The following CSNK1G1 variants were observed in gnomAD, a reference collection of about 807,000 sequenced individuals.
CSNK1G1 encodes casein kinase 1 gamma 1.
In CSNK1G1, 22 loss-of-function variants were observed where a neutral mutation model predicts 59.6. The ratio of observed to expected loss-of-function variants is 0.37; its 90% CI spans 0.26 to 0.53. CSNK1G1 has a LOEUF of 0.53. CSNK1G1 is among the 20% of genes least tolerant of loss of function. The pLI is 0.89. For synonymous variants in CSNK1G1, 179 were observed against 177.1 expected, an observed-to-expected ratio of 1.01 and a Z score of -0.08; for missense variants, 384 against 519.5, an observed-to-expected ratio of 0.74 and a Z score of 2.54.
At chr15:64,238,519 ATATATATAT>A (rs1313300785) in intron 4 of CSNK1G1, among the ~76,000 whole-genome samples, 5 of 71,486 alleles carry the variant, frequency 7.0e-5, no homozygotes, top group African/African-American at 3.9e-4. Flanking sequence ...AAAAAAAAAA[ATATATATAT>A]ATATATATAT....
chr15:64,189,148 C>CA (rs905371688), intron 10 of CSNK1G1, among the ~76,000 whole-genome samples: 20 of 151,594 alleles, frequency 1.3e-4, no homozygotes, highest in African/African-American at 3.1e-4. Context: ...ATAATAATAA[C>CA]AAAAAAAATA....
At chr15:64,267,846 G>A (rs1206665707) in intron 2 of CSNK1G1, among the ~76,000 whole-genome samples, 1 of 152,170 alleles carries the variant, frequency 6.6e-6, no homozygotes, top group Non-Finnish European at 1.5e-5. Flanking sequence ...CAGACATGGT[G>A]GCTCATGCCT....
chr15:64,264,363 T>C (rs1892867854), intron 2 of CSNK1G1, among the ~76,000 whole-genome samples: 1 of 151,790 alleles, frequency 6.6e-6, no homozygotes, highest in South Asian at 2.1e-4. Flanking sequence ...TAACAAGTAA[T>C]AAGATGGAAG....
chr15:64,240,111 G>A (rs1479666108), intron 4 of CSNK1G1, among the ~76,000 whole-genome samples: 2 of 152,224 alleles, frequency 1.3e-5, no homozygotes, highest in African/African-American at 2.4e-5. Context: ...GTGTATGCCT[G>A]TAATCCCAGC....
At chr15:64,324,817 T>C (rs1222433844) in intron 1 of CSNK1G1, among the ~76,000 whole-genome samples, 5 of 152,210 alleles carry the variant, frequency 3.3e-5, no homozygotes, top group Non-Finnish European at 7.3e-5. Flanking sequence ...TCCATGAAAT[T>C]TCTTTAATGG....
At chr15:64,287,260 A>C (rs1894477997) in intron 2 of CSNK1G1, among the ~76,000 whole-genome samples, 1 of 152,202 alleles carries the variant, frequency 6.6e-6, no homozygotes, top group Non-Finnish European at 1.5e-5. Flanking sequence ...TGAACTAGAC[A>C]ATGCTAAAGT....
At chr15:64,207,384 T>C in intron 7 of CSNK1G1, 125 bp downstream of exon 7, 2 of 644,362 alleles carry the variant, frequency 3.1e-6, no homozygotes, top group Non-Finnish European at 5.4e-6. Context: ...GTGCTGGGAT[T>C]ACAGGCATGA....
intron 2 of CSNK1G1, among the ~76,000 whole-genome samples, chr15:64,282,308 C>T (rs1894186578): frequency 1.3e-5 from 2 of 151,850 alleles, no homozygotes; most frequent in South Asian, 4.2e-4. Context: ...AGTTGGTTGC[C>T]CAGGCTGGAG....
chr15:64,284,466 T>C (rs932462559), intron 2 of CSNK1G1, among the ~76,000 whole-genome samples: 3 of 152,186 alleles, frequency 2.0e-5, no homozygotes, highest in Non-Finnish European at 4.4e-5. Context: ...TGTCTTACCA[T>C]GTAGTTAGAT....
At chr15:64,346,819 G>A (rs1490837430) in intron 1 of CSNK1G1, among the ~76,000 whole-genome samples, 1 of 151,932 alleles carries the variant, frequency 6.6e-6, no homozygotes, top group African/African-American at 2.4e-5. Context: ...AGGTTAACTT[G>A]GACCTTATTA....
At position 64,248,964 on chromosome 15, in the gene CSNK1G1, C is replaced by CA. The variant is rs1021294721; in HGVS notation, c.292+2547dup. On this transcript the variant is annotated intron_variant, in intron 4 of 11. Coordinates refer to ENST00000303052, the MANE Select transcript of CSNK1G1 (RefSeq NM_022048.5). ...TGAAACCCCGTCTCTATTAAAATTA[C>CA]AAAAAAAAACTAGCTGGGCATGGTG... Among the ~76,000 whole-genome samples the CA allele has an allele frequency of 1.1e-4, 16 of 151,132 alleles. No individual in the cohort carries two copies. The East Asian group carries it at 1.4e-3, about 13-fold the overall frequency.
intron 1 of CSNK1G1, chr15:64,342,454 C>A (rs1897728776): frequency 6.6e-6 from 1 of 152,246 alleles, no homozygotes; most frequent in African/African-American, 2.4e-5. Flanking sequence ...ATTACATCCA[C>A]TAGATTATGT....
At position 64,188,302 on chromosome 15, in the gene CSNK1G1, G is replaced by C; in HGVS notation, c.1108-7848C>G. The C allele has an allele frequency of 2.7e-6, 3 of 1,103,464 alleles. No homozygotes were observed. Among genetic ancestry groups the C allele is most frequent in the Non-Finnish European group, 3.9e-6 (3 of 776,698 alleles). The allele number at this position is 1,103,464 out of a possible 1,614,324, so 68.4% of individuals were successfully genotyped here. A position where few individuals can be genotyped will look rare whatever the true frequency, so the allele number is the denominator to read the frequency against. ...AAGCTTCCTTTCTAAGGCTGCCGAA[G>C]GTTCAGAAGCAAGCCAACATTCCAC... On this transcript the variant is annotated intron_variant, in intron 10 of 11. Transcript: ENST00000303052. This position sits in a 1 kb window ranked among gnomAD's most constrained non-coding sequence, Gnocchi z 4.2.
chr15:64,314,561 G>T (rs1295566992), intron 1 of CSNK1G1, among the ~76,000 whole-genome samples: 1 of 49,122 alleles, frequency 2.0e-5, no homozygotes. Flanking sequence ...CTGTACCACA[G>T]AATTAAAAAA....
intron 1 of CSNK1G1, among the ~76,000 whole-genome samples, chr15:64,333,433 CAAAAAA>C (rs59451869): frequency 2.6e-4 from 6 of 23,086 alleles, no homozygotes; most frequent in African/African-American, 1.4e-3. Context: ...GACACCATCT[CAAAAAA>C]AAAAAAAAAA....
At chr15:64,183,510 T>A (rs2081848112) in intron 10 of CSNK1G1, among the ~76,000 whole-genome samples, 1 of 152,208 alleles carries the variant, frequency 6.6e-6, no homozygotes, top group Admixed American at 6.5e-5. Flanking sequence ...AAACACTGTG[T>A]AAGTGATGGA....
chr15:64,211,696 A>G (rs962774473), intron 6 of CSNK1G1, among the ~76,000 whole-genome samples: 1 of 152,246 alleles, frequency 6.6e-6, no homozygotes, highest in Admixed American at 6.5e-5. Context: ...TATCATACCC[A>G]TTTTATACAT....
At chr15:64,268,958 T>G (rs758213748) in intron 2 of CSNK1G1, among the ~76,000 whole-genome samples, 5 of 152,110 alleles carry the variant, frequency 3.3e-5, no homozygotes, top group Non-Finnish European at 7.4e-5. Flanking sequence ...GCTATATTTG[T>G]TTTTGCACTG....
At chr15:64,303,746 G>A (rs1257723891) in intron 1 of CSNK1G1, among the ~76,000 whole-genome samples, 11 of 138,574 alleles carry the variant, frequency 7.9e-5, no homozygotes, top group Admixed American at 1.4e-4. Flanking sequence ...GCAAAACCCC[G>A]TCTCAAGAAA....
Sources: gnomAD v4.1 joint callset for allele counts (sites outside exome capture counted in the v4.1 genomes callset) on GRCh38, gnomAD v4.1.1 for gene constraint, Gnocchi (gnomAD v3.1) non-coding constraint, MANE v1.5 for transcripts, NCBI Gene and HGNC (gene_info 2026-07-23, HGNC 2026-07-21) for gene names.